NFATC4: variants seen among roughly 807,000 people sequenced by gnomAD.
NFATC4 encodes nuclear factor of activated T-cells, cytoplasmic 4.
In NFATC4, 25 loss-of-function variants were observed where a neutral mutation model predicts 73.4. The ratio of observed to expected loss-of-function variants is 0.34; its 90% CI spans 0.25 to 0.48. The LOEUF (loss-of-function observed/expected upper bound fraction) is 0.48, where lower values mean the gene tolerates loss of function less well. Ranked by LOEUF, NFATC4 falls within the 20% of genes least tolerant of loss-of-function variation. The pLI is 0.99. For synonymous variants in NFATC4, 523 were observed against 510.3 expected, an observed-to-expected ratio of 1.02 and a Z score of -0.34; for missense variants, 1,130 against 1,203.7, an observed-to-expected ratio of 0.94 and a Z score of 0.91.
In NFATC4 at chr14:24,376,778, T is replaced by C. The variant is rs2042635893; in HGVS notation, c.2541T>C (p.Tyr847=). The change falls in exon 9 of 10, where the codon TAT becomes TAC. Residue 847 remains tyrosine, a synonymous_variant. Coordinates refer to ENST00000250373, the MANE Select transcript of NFATC4 (RefSeq NM_004554.5). This position sits in a 1 kb window ranked among gnomAD's most constrained non-coding sequence, Gnocchi z 5.0. ...GATACAATAAGGTAGGGCCAGGCTA[T>C]GGCCCTGGGGAGGGGGCTCCGGAGC... ...AEGYNKVGPG[Y]GPGEGAPEQE... is the part of the protein sequence containing the mutation. 1 of 1,613,582 alleles carries C rather than the reference T, an allele frequency of 6.2e-7. No homozygotes were observed. Among genetic ancestry groups the C allele is most frequent in the African/African-American group, 1.3e-5 (1 of 74,892 alleles).
intron 6 of NFATC4, among the ~76,000 whole-genome samples, 175 bp from the exon 7 acceptor site, chr14:24,375,485 A>T (rs1181876816): frequency 6.6e-6 from 1 of 151,810 alleles, no homozygotes; most frequent in African/African-American, 2.4e-5. Context: ...ACAGTTTTAA[A>T]CCCTACCTCT....
upstream of NFATC4, chr14:24,368,138 G>A (rs2042356916): frequency 2.4e-6 from 3 of 1,234,540 alleles, no homozygotes; most frequent in African/African-American, 1.6e-5. Flanking sequence ...GGCTGGGGGG[G>A]GGACCGCTTT....
chr14:24,376,650 T>A lies in NFATC4; in HGVS notation c.2413T>A (p.Phe805Ile). 1 of 1,613,432 alleles carries A rather than the reference T, an allele frequency of 6.2e-7. No individual in the cohort carries two copies. The highest frequency in any genetic ancestry group is 8.5e-7 in the Non-Finnish European group (1 of 1,179,790). ...RGSSFSLGLP[F>I]SPPAPFRPPP... is the part of the protein sequence containing the mutation. ...CTCCTCTTTCTCCCTGGGGCTGCCA[T>A]TCTCTCCGCCAGCCCCCTTTCGGCC... Residue 805 changes from phenylalanine (F) to isoleucine (I), a missense_variant, in exon 9 of 10, where the codon TTC becomes ATC. By Grantham distance (21) the Phe-to-Ile change is conservative. This residue lies in a region of NFATC4 where 390 missense variants were observed against 408.1 expected (regional missense o/e 0.96). Coordinates refer to ENST00000250373, the MANE Select transcript of NFATC4 (RefSeq NM_004554.5). The surrounding 1 kb of genome is among the most constrained non-coding windows in gnomAD (Gnocchi z 5.0).
chr14:24,376,058 G>A lies in NFATC4; in HGVS notation c.2013G>A (p.Gly671=). 2 of 1,614,048 alleles carry A rather than the reference G, an allele frequency of 1.2e-6. No homozygotes were observed. Residue 671 remains glycine (G), a synonymous_variant, in exon 8 of 10, where the codon GGG becomes GGA. Transcript: ENST00000250373. The surrounding 1 kb of genome is among the most constrained non-coding windows in gnomAD (Gnocchi z 5.0). ...AGGTCTACTTTTATGTCTCCAATGGGCGGAGGAAACGCAGTCCTACCCAGA... is the reference window on the plus strand; with the variant it reads ...AGGTCTACTTTTATGTCTCCAATGGACGGAGGAAACGCAGTCCTACCCAGA... ...PVQVYFYVSN[G]RRKRSPTQSF...
Position 24,376,908 on chromosome 14 carries a change from G to C in NFATC4, c.2641+30G>C. ...GTGTGGGACTGGGGGCTGTGAGTGT[G>C]AGTGTGTGCAAGAGATTGCTCTGCA... is the stretch of plus-strand genomic sequence containing the variant. On this transcript the variant is annotated intron_variant, in intron 9 of 9. Coordinates refer to ENST00000250373, the MANE Select transcript of NFATC4 (RefSeq NM_004554.5). This position sits in a 1 kb window ranked among gnomAD's most constrained non-coding sequence, Gnocchi z 5.0. 1 of 1,515,232 alleles carries C rather than the reference G, an allele frequency of 6.6e-7. No individual in the cohort carries two copies. Among genetic ancestry groups the C allele is most frequent in the Non-Finnish European group, 8.8e-7 (1 of 1,134,676 alleles). The allele number at this position is 1,515,232 out of a possible 1,614,324, so 93.9% of individuals were successfully genotyped here.
At chr14:24,374,052 C>A in intron 5 of NFATC4, 185 bp downstream of exon 5, 1 of 967,014 alleles carries the variant, frequency 1.0e-6, no homozygotes. Context: ...TGGGGTGGCC[C>A]AGAGTGACAC....
upstream of NFATC4, chr14:24,367,248 G>C: frequency 6.2e-7 from 1 of 1,601,702 alleles, no homozygotes; most frequent in Non-Finnish European, 8.5e-7. Flanking sequence ...GGGCGGGGGG[G>C]CCAAGGAGGG....
rs770391954 is a variant in NFATC4 at position 24,375,563 on chromosome 14, T to C, written c.1874-97T>C. 1.6e-5 allele frequency: 21 copies of C among 1,304,000 alleles called. 1 individual carries two copies. Among genetic ancestry groups the C allele is most frequent in the Non-Finnish European group, 2.3e-5 (21 of 926,086 alleles). The allele number at this position is 1,304,000 out of a possible 1,614,324, so 80.8% of individuals were successfully genotyped here. A position where few individuals can be genotyped will look rare whatever the true frequency, so the allele number is the denominator to read the frequency against. On this transcript the variant is annotated intron_variant, in intron 6 of 9. Coordinates refer to ENST00000250373, the MANE Select transcript of NFATC4 (RefSeq NM_004554.5). ...TCAGACCTTCTAGGGCCTTCTGAAT[T>C]TGGCCTTGGCTCTAACAGGAGGGGA...
At position 24,369,842 on chromosome 14, in the gene NFATC4, A is replaced by C. The variant is rs768269987; in HGVS notation, c.444A>C (p.Pro148=). 1.9e-6 allele frequency: 3 copies of C among 1,606,822 alleles called. No homozygotes were observed. Among genetic ancestry groups the C allele is most frequent in the South Asian group, 2.2e-5 (2 of 90,328 alleles). Residue 148 remains proline (P), a synonymous_variant, in exon 2 of 10, where the codon CCA becomes CCC. Transcript: ENST00000250373. Reference sequence around the variant, plus strand: ...ACGGCTCTCCTAGAGATTACCCCCCACCAGAAGGCTTTGGGGGCTACAGAG... The same window carrying C: ...ACGGCTCTCCTAGAGATTACCCCCCCCCAGAAGGCTTTGGGGGCTACAGAG... ...WGDGSPRDYP[P]PEGFGGYREA...
chr14:24,376,649 A>G lies in NFATC4; in HGVS notation c.2412A>G (p.Pro804=), dbSNP rs554600834. 4 of 1,613,204 alleles carry G rather than the reference A, an allele frequency of 2.5e-6. No individual in the cohort carries two copies. The highest frequency in any genetic ancestry group is 2.7e-5 in the African/African-American group (2 of 74,878). ...GRGSSFSLGL[P]FSPPAPFRPP... Reference sequence around the variant, plus strand: ...GCTCCTCTTTCTCCCTGGGGCTGCCATTCTCTCCGCCAGCCCCCTTTCGGC... The same window carrying G: ...GCTCCTCTTTCTCCCTGGGGCTGCCGTTCTCTCCGCCAGCCCCCTTTCGGC... The change falls in exon 9 of 10, where the codon CCA becomes CCG. Residue 804 remains proline (P), a synonymous_variant. Coordinates refer to ENST00000250373, the MANE Select transcript of NFATC4 (RefSeq NM_004554.5). The surrounding 1 kb of genome is among the most constrained non-coding windows in gnomAD (Gnocchi z 5.0).
chr14:24,373,545 G>T lies in NFATC4; in HGVS notation c.1560-150G>T. 7.3e-7 allele frequency: 1 copy of T among 1,375,692 alleles called. No homozygotes were observed. Among genetic ancestry groups the T allele is most frequent in the South Asian group, 1.4e-5 (1 of 71,952 alleles). The allele number at this position is 1,375,692 out of a possible 1,614,324, so 85.2% of individuals were successfully genotyped here. Reference sequence around the variant, plus strand: ...CTTTTGGGGTTGGGGGTACCCCAGAGAGGCCATCTCTGGGTTAGAAAATAG... The same window carrying T: ...CTTTTGGGGTTGGGGGTACCCCAGATAGGCCATCTCTGGGTTAGAAAATAG... On this transcript the variant is annotated intron_variant, in intron 4 of 9. Coordinates refer to ENST00000250373, the MANE Select transcript of NFATC4 (RefSeq NM_004554.5). The surrounding 1 kb of genome is among the most constrained non-coding windows in gnomAD (Gnocchi z 4.7).
At position 24,373,265 on chromosome 14, in the gene NFATC4, A is replaced by C; in HGVS notation, c.1454A>C (p.His485Pro). 2 of 1,614,214 alleles carry C rather than the reference A, an allele frequency of 1.2e-6. No homozygotes were observed. The highest frequency in any genetic ancestry group is 1.7e-6 in the Non-Finnish European group (2 of 1,180,050). ...NLRPHAFYQV[H>P]RITGKMVATA... is the part of the protein sequence containing the mutation. ...CGGCCTCATGCCTTCTATCAGGTGC[A>C]CCGTATCACAGGCAAGATGGTGGCC... Residue 485 changes from histidine to proline, a missense_variant, in exon 4 of 10, where the codon CAC becomes CCC. Around this residue, in one of 3 missense-constraint regions of NFATC4, gnomAD observed 155 missense variants for 221.2 expected, o/e 0.70. Transcript: ENST00000250373. The surrounding 1 kb of genome is among the most constrained non-coding windows in gnomAD (Gnocchi z 4.7).
In NFATC4 at chr14:24,377,873, G is replaced by A. The variant is rs1050295; in HGVS notation, c.*168G>A. 7.4e-7 allele frequency: 1 copy of A among 1,360,092 alleles called. No individual in the cohort carries two copies. The highest frequency in any genetic ancestry group is 2.3e-5 in the Admixed American group (1 of 42,850). 84.3% of individuals were successfully genotyped at this position (1,360,092 alleles called of 1,614,324 possible). On this transcript the variant is annotated 3_prime_UTR_variant, in exon 10 of 10. Coordinates refer to ENST00000250373, the MANE Select transcript of NFATC4 (RefSeq NM_004554.5). This position sits in a 1 kb window ranked among gnomAD's most constrained non-coding sequence, Gnocchi z 4.2. Reference sequence around the variant, plus strand: ...CCCTCCCCTCCCCCAGCTGAGGTGTGGCCCTCAGGCCTGGTGCTGCCTTGG... The same window carrying A: ...CCCTCCCCTCCCCCAGCTGAGGTGTAGCCCTCAGGCCTGGTGCTGCCTTGG...
intron 1 of NFATC4, 91 bp downstream of exon 1, chr14:24,368,531 TG>T: frequency 8.1e-6 from 7 of 860,162 alleles, no homozygotes; most frequent in Middle Eastern, 5.2e-4. Flanking sequence ...GAGCCTAGGG[TG>T]GGGGGTGAGG....
At chr14:24,367,036 T>C (rs1267169606), upstream of NFATC4, 1 of 1,607,552 alleles carries the variant, frequency 6.2e-7, no homozygotes, top group Admixed American at 1.7e-5. Flanking sequence ...AGGTTGAAAC[T>C]GTGTGTGTGT....
rs759149834 is a variant in NFATC4, at chr14:24,376,308, G to A, written c.2071G>A (p.Glu691Lys). The A allele has an allele frequency of 6.3e-6, 10 of 1,575,484 alleles. No individual in the cohort carries two copies. The highest frequency in any genetic ancestry group is 1.2e-5 in the South Asian group (1 of 84,392). The change falls in exon 9 of 10, where the codon GAG becomes AAG. Residue 691 changes from glutamate (E) to lysine (K), a missense_variant. By Grantham distance (56) the Glu-to-Lys change is moderately conservative (BLOSUM62 1). Around this residue, in one of 3 missense-constraint regions of NFATC4, gnomAD observed 390 missense variants for 408.1 expected, o/e 0.96. Transcript: ENST00000250373. The surrounding 1 kb of genome is among the most constrained non-coding windows in gnomAD (Gnocchi z 5.0). ...FRFLPVICKE[E>K]PLPDSSLRGF... ...TGTCTTCCCAGTGATCTGCAAAGAG[G>A]AGCCCCTACCGGACTCATCTCTGCG... is the stretch of plus-strand genomic sequence containing the variant.
At chr14:24,367,935 A>G, upstream of NFATC4, 2 of 1,260,184 alleles carry the variant, frequency 1.6e-6, no homozygotes, top group Non-Finnish European at 2.0e-6. Context: ...TGATTGTCAC[A>G]ACGGCGGACC....
intron 1 of NFATC4, chr14:24,369,238 C>A: frequency 6.5e-7 from 1 of 1,536,744 alleles, no homozygotes; most frequent in Non-Finnish European, 8.7e-7. Context: ...CTGGACCCAC[C>A]TCTCTCACCT....
chr14:24,373,423 C>T lies in NFATC4; in HGVS notation c.1559+53C>T, dbSNP rs1019075274. 9.1e-5 allele frequency: 145 copies of T among 1,592,036 alleles called. No individual in the cohort carries two copies. The highest frequency in any genetic ancestry group is 1.1e-4 in the Non-Finnish European group (132 of 1,163,340). On this transcript the variant is annotated intron_variant, in intron 4 of 9. Transcript: ENST00000250373. This position sits in a 1 kb window ranked among gnomAD's most constrained non-coding sequence, Gnocchi z 4.7. ...CCGCAGGCTTTGTACTAGCTTTCTC[C>T]ACTGGGCCTATGCTAGCCCACTTCT... is the stretch of plus-strand genomic sequence containing the variant.
Sources: gnomAD v4.1 joint callset for allele counts (sites outside exome capture counted in the v4.1 genomes callset) on GRCh38, gnomAD v4.1.1 for gene constraint, gnomAD v4.1.1 regional missense constraint, Gnocchi (gnomAD v3.1) non-coding constraint, MANE v1.5 for transcripts, NCBI Gene and HGNC (gene_info 2026-07-23, HGNC 2026-07-21) for gene names.